Variants in LINGO2 observed in about 807,000 individuals in gnomAD.
LINGO2 encodes the protein leucine rich repeat and Ig domain containing 2, also known as leucine-rich repeat and immunoglobulin-like domain-containing nogo receptor-interacting protein 2.
In LINGO2, 14 loss-of-function variants were observed where a neutral mutation model predicts 30.6. The ratio of observed to expected loss-of-function variants is 0.46; its 90% confidence interval spans 0.30 to 0.72. LINGO2 has a LOEUF of 0.72. Ranked by LOEUF, LINGO2 falls within the 30% of genes least tolerant of loss-of-function variation. LINGO2 has a pLI of 0.07. For missense variants in LINGO2, 729 were observed against 751.7 expected, an observed-to-expected ratio of 0.97 and a Z score of 0.35; for synonymous variants, 317 against 288.5, an observed-to-expected ratio of 1.10 and a Z score of -1.00.
chr9:29,140,081 G>A, the LINGO2 span, among the ~76,000 whole-genome samples: 2 of 152,092 alleles, frequency 1.3e-5, no homozygotes, highest in Non-Finnish European at 2.9e-5. Flanking sequence ...ACCTCTTGGG[G>A]AAGGTCTTTC....
chr9:28,886,500 A>C, the LINGO2 span, among the ~76,000 whole-genome samples: 1 of 152,168 alleles, frequency 6.6e-6, no homozygotes, highest in African/African-American at 2.4e-5. Flanking sequence ...ATGACAAATG[A>C]AACTTTAATT....
chr9:29,207,176 G>C, the LINGO2 span, among the ~76,000 whole-genome samples: 1 of 151,688 alleles, frequency 6.6e-6, no homozygotes, highest in Non-Finnish European at 1.5e-5. Flanking sequence ...GTGTTCATAT[G>C]ATATTGTACA....
intron 4 of LINGO2, among the ~76,000 whole-genome samples, chr9:28,091,012 A>G (rs1426965486): frequency 1.3e-5 from 2 of 152,092 alleles, no homozygotes; most frequent in Non-Finnish European, 2.9e-5. Context: ...TACAAGGGAT[A>G]TGAAGGACCT....
At chr9:29,098,553 G>A in the LINGO2 span, among the ~76,000 whole-genome samples, 1 of 151,980 alleles carries the variant, frequency 6.6e-6, no homozygotes, top group Non-Finnish European at 1.5e-5. Context: ...AGAGGCAACA[G>A]TATGTGGAAG....
the LINGO2 span, among the ~76,000 whole-genome samples, chr9:28,781,498 C>T: frequency 5.3e-5 from 8 of 152,150 alleles, no homozygotes; most frequent in Non-Finnish European, 1.5e-5. Flanking sequence ...AATTTTCCAG[C>T]TCTACAATTG....
chr9:28,695,711 T>C, the LINGO2 span, among the ~76,000 whole-genome samples: 4 of 146,920 alleles, frequency 2.7e-5, no homozygotes, highest in African/African-American at 5.1e-5. Flanking sequence ...ACACAGCAAA[T>C]TGAAGAACAA....
intron 2 of LINGO2, among the ~76,000 whole-genome samples, chr9:28,472,244 A>G (rs528678081): frequency 6.6e-6 from 1 of 152,176 alleles, no homozygotes; most frequent in African/African-American, 2.4e-5. Context: ...TGGTTATTTT[A>G]TATACCAGAA....
At chr9:28,234,896 A>G (rs1184160708) in intron 4 of LINGO2, among the ~76,000 whole-genome samples, 1 of 150,732 alleles carries the variant, frequency 6.6e-6, no homozygotes, top group African/African-American at 2.5e-5. Flanking sequence ...CTGTCCCTCT[A>G]GAAAACCCTG....
At chr9:28,005,537 T>G (rs781711492) in intron 5 of LINGO2, among the ~76,000 whole-genome samples, 1 of 152,110 alleles carries the variant, frequency 6.6e-6, no homozygotes, top group Non-Finnish European at 1.5e-5. Flanking sequence ...GTATTCGGTG[T>G]TCCAAATTGA....
At chr9:28,997,651 G>A in the LINGO2 span, among the ~76,000 whole-genome samples, 18 of 152,026 alleles carry the variant, frequency 1.2e-4, no homozygotes, top group Admixed American at 3.3e-4. Context: ...GTGAGACCCC[G>A]TCTCTCTTAA....
At chr9:29,119,534 A>G in the LINGO2 span, among the ~76,000 whole-genome samples, 1 of 150,544 alleles carries the variant, frequency 6.6e-6, no homozygotes, top group Non-Finnish European at 1.5e-5. Flanking sequence ...AAGAATTGCT[A>G]TAATAAGTTC....
At chr9:28,104,677 C>G (rs946429426) in intron 4 of LINGO2, among the ~76,000 whole-genome samples, 5 of 152,014 alleles carry the variant, frequency 3.3e-5, no homozygotes, top group Non-Finnish European at 7.4e-5. Flanking sequence ...TTTTTACTAA[C>G]TCTTTCTACT....
the LINGO2 span, among the ~76,000 whole-genome samples, chr9:28,769,499 TATATATATATATA>T: frequency 1.6e-4 from 1 of 6,288 alleles, no homozygotes; most frequent in African/African-American, 6.3e-4. Flanking sequence ...TATATATATA[TATATATATATATA>T]TATATATTTT....
the LINGO2 span, among the ~76,000 whole-genome samples, chr9:28,849,695 A>G: frequency 1.3e-5 from 2 of 151,548 alleles, no homozygotes; most frequent in Admixed American, 6.6e-5. Flanking sequence ...GCTTTGCAAT[A>G]TTCCTTCCTC....
At chr9:28,727,352 C>G in the LINGO2 span, among the ~76,000 whole-genome samples, 1 of 151,930 alleles carries the variant, frequency 6.6e-6, no homozygotes, top group South Asian at 2.1e-4. Flanking sequence ...GTGGTGCGAT[C>G]TCAGCTCACT....
intron 4 of LINGO2, among the ~76,000 whole-genome samples, chr9:28,273,022 T>C (rs74489001): frequency 0.049 from 7,467 of 152,268 alleles, 239 homozygotes; most frequent in South Asian, 0.12. Context: ...TTTGACCTTA[T>C]GTATTTTTTA....
the LINGO2 span, among the ~76,000 whole-genome samples, chr9:29,145,176 C>A: frequency 2.0e-5 from 3 of 152,140 alleles, no homozygotes; most frequent in East Asian, 5.8e-4. Flanking sequence ...CCTAAGAATC[C>A]CCTACATGTA....
At chr9:28,015,103 C>T (rs1379271034) in intron 4 of LINGO2, among the ~76,000 whole-genome samples, 1 of 152,016 alleles carries the variant, frequency 6.6e-6, no homozygotes, top group Non-Finnish European at 1.5e-5. Flanking sequence ...ATTCTTTGAT[C>T]CAAAAGGCAA....
chr9:28,639,553 T>C (rs900985521), intron 1 of LINGO2, among the ~76,000 whole-genome samples: 1 of 152,238 alleles, frequency 6.6e-6, no homozygotes, highest in African/African-American at 2.4e-5. Flanking sequence ...CTTGTTGAAC[T>C]GATCCCTTTA....
Sources: gnomAD v4.1 joint callset for allele counts (sites outside exome capture counted in the v4.1 genomes callset) on GRCh38, gnomAD v4.1.1 for gene constraint, MANE v1.5 for transcripts, NCBI Gene and HGNC (gene_info 2026-07-23, HGNC 2026-07-21) for gene names.